The following LAYN variants were observed in gnomAD, a reference collection of about 807,000 sequenced individuals.
LAYN encodes layilin.
LAYN carries 38 observed loss-of-function variants against 43.6 expected under a neutral mutation model. That is an observed-to-expected ratio of 0.87 (90% CI 0.67 to 1.14). The LOEUF (loss-of-function observed/expected upper bound fraction) is 1.14, where lower values mean the gene tolerates loss of function less well. Ranked by LOEUF, LAYN falls within the 50% of genes most tolerant of loss-of-function variation. LAYN has a pLI of 0.00. For missense variants in LAYN, 479 were observed against 463.8 expected (o/e 1.03, Z -0.30); for synonymous variants, 168 against 172.9 (o/e 0.97, Z 0.22).
chr11:111,540,697 C>G, upstream of LAYN: 1 of 729,960 alleles, frequency 1.4e-6, no homozygotes. Context: ...CCGACTGACT[C>G]CGCGCCCTCC....
chr11:111,553,755 T>TACACACACAC (rs1565271662), intron 3 of LAYN, among the ~76,000 whole-genome samples: 2 of 104,072 alleles, frequency 1.9e-5, no homozygotes, highest in African/African-American at 6.6e-5. Flanking sequence ...CACACACACT[T>TACACACACAC]ATGGGAAGAT....
At chr11:111,541,255 G>A in intron 1 of LAYN, 1 of 590,714 alleles carries the variant, frequency 1.7e-6, no homozygotes, top group Non-Finnish European at 3.0e-6. Context: ...CCTTCGGCCC[G>A]CTCCTTTACA....
In LAYN at chr11:111,549,729, T is replaced by C; in HGVS notation, c.495T>C (p.Asp165=). ...IGGPYMFQWN[D]DRCNMKNNFI... ...GCCCCTACATGTTCCAGTGGAATGA[T>C]GACCGGTGCAACATGAAGAACAATT... is the stretch of plus-strand genomic sequence containing the variant. Residue 165 remains aspartate (D), a synonymous_variant, in exon 3 of 7, where the codon GAT becomes GAC. Transcript: ENST00000375614. 1 of 1,607,958 alleles carries C rather than the reference T, an allele frequency of 6.2e-7. No homozygotes were observed. Among genetic ancestry groups the C allele is most frequent in the Non-Finnish European group, 8.5e-7 (1 of 1,177,692 alleles).
At position 111,557,686 on chromosome 11, in the gene LAYN, C is replaced by G. The variant is rs1396753824; in HGVS notation, c.761+43C>G. Reference sequence around the variant, plus strand: ...TGTGTAAACCTTTGCATCTTCTGCTCTCTTTGAGATTTGGATATTGCCTTG... The same window carrying G: ...TGTGTAAACCTTTGCATCTTCTGCTGTCTTTGAGATTTGGATATTGCCTTG... On this transcript the variant is annotated intron_variant, in intron 6 of 6. Coordinates refer to ENST00000375614, the MANE Select transcript of LAYN (RefSeq NM_178834.5). 3.4e-6 allele frequency: 5 copies of G among 1,465,534 alleles called. No individual in the cohort carries two copies. In the Admixed American group the frequency reaches 5.0e-5, roughly 15 times the overall value. The allele number at this position is 1,465,534 out of a possible 1,614,324, so 90.8% of individuals were successfully genotyped here.
intron 3 of LAYN, chr11:111,551,376 G>A (rs1189034691): frequency 4.4e-6 from 2 of 456,314 alleles, no homozygotes; most frequent in Non-Finnish European, 4.4e-6. Context: ...AAGCCCCATT[G>A]AAACAGTTTA....
At position 111,543,478 on chromosome 11, in the gene LAYN, T is replaced by G. The variant is rs575154875; in HGVS notation, c.86-445T>G. Among the ~76,000 whole-genome samples, 104 of 152,176 alleles carry G rather than the reference T, an allele frequency of 6.8e-4. No homozygotes were observed. The Middle Eastern group carries it at 0.01, about 15-fold the overall frequency. ...TCAGTCCTGCTGCACAGGCAGAGGGTTCCAGAATAGAGGAGCCCATGCCTG... is the reference window on the plus strand; with the variant it reads ...TCAGTCCTGCTGCACAGGCAGAGGGGTCCAGAATAGAGGAGCCCATGCCTG... On this transcript the variant is annotated intron_variant, in intron 1 of 6. Transcript: ENST00000375614.
chr11:111,541,681 C>A, intron 1 of LAYN: 1 of 1,099,718 alleles, frequency 9.1e-7, no homozygotes, highest in South Asian at 1.3e-5. Flanking sequence ...CGGGTGCCAA[C>A]AGCTTGACCA....
chr11:111,555,272 AC>A lies in LAYN; in HGVS notation c.641del (p.Thr214AsnfsTer10). 14 of 1,613,392 alleles carry A rather than the reference AC, an allele frequency of 8.7e-6. No homozygotes were observed. Among genetic ancestry groups the A allele is most frequent in the Non-Finnish European group, 1.1e-5 (13 of 1,179,384 alleles). ...EETQEEDAKK[T>X]FKESREAALN... ...AACACAGGAAGAAGATGCCAAAAAA[AC>A]ATTTAAAGAAAGTAGAGGTATCTAC... On this transcript the variant is annotated frameshift_variant, in exon 5 of 7. Transcript: ENST00000375614. LOFTEE classifies it high-confidence loss of function.
rs1272602284 is a variant in LAYN, at chr11:111,560,495, G to T, written c.*37G>T. The T allele has an allele frequency of 6.4e-7, 1 of 1,569,364 alleles. No homozygotes were observed. The highest frequency in any genetic ancestry group is 2.2e-5 in the East Asian group (1 of 44,496). ...AACTGAAACTGACAACAATGGAAAA[G>T]AAATGATAAGCAAAATCCTCTTATT... On this transcript the variant is annotated 3_prime_UTR_variant, in exon 7 of 7. Coordinates refer to ENST00000375614, the MANE Select transcript of LAYN (RefSeq NM_178834.5).
chr11:111,555,405 G>A, intron 5 of LAYN, 115 bp downstream of exon 5: 1 of 718,252 alleles, frequency 1.4e-6, no homozygotes, highest in Non-Finnish European at 2.4e-6. Context: ...AATAGAACTA[G>A]ACAGGGCATG....
chr11:111,540,881 CCGTGCTGCTGGT>C lies in LAYN; in HGVS notation c.39_50del (p.Val14_Val17del), dbSNP rs1223016118. The C allele has an allele frequency of 8.5e-6, 13 of 1,532,270 alleles. No homozygotes were observed. The highest frequency in any genetic ancestry group is 1.1e-5 in the Non-Finnish European group (13 of 1,145,686). 94.9% of individuals were successfully genotyped at this position (1,532,270 alleles called of 1,614,324 possible). On this transcript the variant is annotated inframe_deletion, in exon 1 of 7. Coordinates refer to ENST00000375614, the MANE Select transcript of LAYN (RefSeq NM_178834.5). Reference sequence around the variant, plus strand: ...ACCGCGCTACAGGCCGTGCTGCTGGCCGTGCTGCTGGTGGGGCTGCGGGCCGCGACGGGTCGC... The same window carrying C: ...ACCGCGCTACAGGCCGTGCTGCTGGCGGGGCTGCGGGCCGCGACGGGTCGC...
rs776036344 is a variant in LAYN at position 111,544,166 on chromosome 11, G to T, written c.329G>T (p.Ser110Ile). The T allele has an allele frequency of 1.3e-5, 21 of 1,614,186 alleles. No individual in the cohort carries two copies. The highest frequency in any genetic ancestry group is 1.6e-5 in the Non-Finnish European group (19 of 1,180,040). Residue 110 changes from serine (S) to isoleucine (I), a missense_variant, in exon 2 of 7, where the codon AGC becomes ATC. Ser to Ile is a moderately radical substitution (Grantham distance 142). Transcript: ENST00000375614. Reference protein sequence around the residue: ...LRRREEKQSNSTACQDLYAWT... With the variant: ...LRRREEKQSNITACQDLYAWT... ...AGGCGTGAGGAGAAACAAAGCAATA[G>T]CACAGCCTGCCAGGACCTTTATGCT...
chr11:111,549,923 G>A, intron 3 of LAYN, 148 bp downstream of exon 3: 3 of 798,116 alleles, frequency 3.8e-6, no homozygotes, highest in Non-Finnish European at 5.8e-6. Flanking sequence ...TTCTTGTAAA[G>A]GGCAATGTAA....
At chr11:111,546,368 C>T (rs551099599) in intron 2 of LAYN, among the ~76,000 whole-genome samples, 1 of 152,258 alleles carries the variant, frequency 6.6e-6, no homozygotes, top group South Asian at 2.1e-4. Flanking sequence ...CAATAATTTC[C>T]CTTTCCTTAC....
intron 6 of LAYN, among the ~76,000 whole-genome samples, chr11:111,558,395 T>G (rs1041396400): frequency 1.1e-4 from 17 of 152,178 alleles, no homozygotes; most frequent in African/African-American, 4.1e-4. Context: ...TAAAATCTAT[T>G]TCAGTTAATT....
chr11:111,543,575 C>T (rs555152644), intron 1 of LAYN, among the ~76,000 whole-genome samples: 1 of 152,318 alleles, frequency 6.6e-6, no homozygotes, highest in East Asian at 1.9e-4. Flanking sequence ...TCCCCTGAGA[C>T]TCCCTAATGA....
chr11:111,552,084 A>G (rs570959128), intron 3 of LAYN, among the ~76,000 whole-genome samples: 1 of 151,956 alleles, frequency 6.6e-6, no homozygotes, highest in Non-Finnish European at 1.5e-5. Context: ...AAGATAGAGG[A>G]GAGATAAGAA....
At chr11:111,542,993 C>A (rs1415640843) in intron 1 of LAYN, among the ~76,000 whole-genome samples, 1 of 152,174 alleles carries the variant, frequency 6.6e-6, no homozygotes, top group East Asian at 1.9e-4. Flanking sequence ...CAGTAAAATC[C>A]CATCTGTTTG....
At chr11:111,557,101 G>A (rs190262807) in intron 5 of LAYN, among the ~76,000 whole-genome samples, 1 of 151,974 alleles carries the variant, frequency 6.6e-6, no homozygotes, top group African/African-American at 2.4e-5. Flanking sequence ...TGTCCTTGGA[G>A]GCAAAAGCAT....
Sources: gnomAD v4.1 joint callset for allele counts (sites outside exome capture counted in the v4.1 genomes callset) on GRCh38, gnomAD v4.1.1 for gene constraint, MANE v1.5 for transcripts, NCBI Gene and HGNC (gene_info 2026-07-23, HGNC 2026-07-21) for gene names.